OR1J2: variants seen among roughly 807,000 people sequenced by gnomAD.
The protein encoded by OR1J2 is olfactory receptor family 1 subfamily J member 2, also known as olfactory receptor 1J2.
For missense variants in OR1J2, 304 were observed against 246.1 expected, an observed-to-expected ratio of 1.24 and a Z score of -1.57; for synonymous variants, 142 against 99.7, an observed-to-expected ratio of 1.42 and a Z score of -2.52.
At chr9:122,517,869 C>T in the OR1J2 span, among the ~76,000 whole-genome samples, 1 of 152,250 alleles carries the variant, frequency 6.6e-6, no homozygotes, top group South Asian at 2.1e-4. Flanking sequence ...GATGCTCTCA[C>T]CCCCTCAAGC....
At chr9:122,575,396 T>A in the OR1J2 span, among the ~76,000 whole-genome samples, 2 of 152,160 alleles carry the variant, frequency 1.3e-5, no homozygotes, top group African/African-American at 4.8e-5. Flanking sequence ...TTTCATCATT[T>A]CTTTTTGTGT....
chr9:122,534,359 G>T, the OR1J2 span, among the ~76,000 whole-genome samples: 1 of 152,148 alleles, frequency 6.6e-6, no homozygotes, highest in African/African-American at 2.4e-5. Flanking sequence ...ACTTTTTAGG[G>T]TCTAGGACTG....
the OR1J2 span, among the ~76,000 whole-genome samples, chr9:122,467,324 T>C: frequency 6.6e-6 from 1 of 152,202 alleles, no homozygotes; most frequent in South Asian, 2.1e-4. Flanking sequence ...CACCTTTTGC[T>C]TGTTAATTCT....
chr9:122,488,689 T>C, the OR1J2 span, among the ~76,000 whole-genome samples: 2 of 152,182 alleles, frequency 1.3e-5, no homozygotes, highest in African/African-American at 4.8e-5. Flanking sequence ...TACATTCAGG[T>C]TGGCAAAAAT....
the OR1J2 span, among the ~76,000 whole-genome samples, chr9:122,558,255 T>G: frequency 6.6e-6 from 1 of 150,936 alleles, no homozygotes; most frequent in South Asian, 2.1e-4. Context: ...TTTCTTGTGC[T>G]TACTTTGGAT....
the OR1J2 span, among the ~76,000 whole-genome samples, chr9:122,577,827 T>C: frequency 6.6e-6 from 1 of 152,254 alleles, no homozygotes; most frequent in Non-Finnish European, 1.5e-5. Flanking sequence ...CATTAAGCCA[T>C]GTACATTCTT....
the OR1J2 span, chr9:122,526,629 G>C: frequency 1.2e-6 from 2 of 1,614,190 alleles, no homozygotes; most frequent in Non-Finnish European, 1.7e-6. Flanking sequence ...CCTCAGGATA[G>C]CTGGCACAAT....
the OR1J2 span, among the ~76,000 whole-genome samples, chr9:122,520,255 T>G: frequency 6.6e-6 from 1 of 152,262 alleles, no homozygotes; most frequent in Admixed American, 6.5e-5. Flanking sequence ...ATTCTGAGTT[T>G]ACATAATTGT....
At chr9:122,558,360 C>G in the OR1J2 span, among the ~76,000 whole-genome samples, 1 of 82,810 alleles carries the variant, frequency 1.2e-5, no homozygotes. Context: ...TTAAATTCAA[C>G]TGGTGTTTTA....
At chr9:122,487,156 A>G in the OR1J2 span, among the ~76,000 whole-genome samples, 49 of 152,300 alleles carry the variant, frequency 3.2e-4, no homozygotes, top group African/African-American at 1.0e-3. Context: ...AAATAAATTC[A>G]TTAAAAGCTT....
chr9:122,486,464 A>C, the OR1J2 span, among the ~76,000 whole-genome samples: 1 of 152,228 alleles, frequency 6.6e-6, no homozygotes, highest in East Asian at 1.9e-4. Context: ...GCCTGAGAGC[A>C]CTCAAGAATT....
At chr9:122,573,148 C>G in the OR1J2 span, among the ~76,000 whole-genome samples, 1 of 152,176 alleles carries the variant, frequency 6.6e-6, no homozygotes. Flanking sequence ...CTCTGTGATC[C>G]TTGTTAGGCT....
At chr9:122,473,997 T>C in the OR1J2 span, among the ~76,000 whole-genome samples, 1 of 152,132 alleles carries the variant, frequency 6.6e-6, no homozygotes, top group South Asian at 2.1e-4. Flanking sequence ...TGTACCCAGG[T>C]TAACTCCTCC....
At chr9:122,569,391 A>G in the OR1J2 span, among the ~76,000 whole-genome samples, 1 of 152,220 alleles carries the variant, frequency 6.6e-6, no homozygotes, top group African/African-American at 2.4e-5. Context: ...ATCCCGATCC[A>G]GTTACCTACC....
At chr9:122,553,975 A>C in the OR1J2 span, 4 of 1,613,286 alleles carry the variant, frequency 2.5e-6, no homozygotes, top group Non-Finnish European at 3.4e-6. Context: ...CTGCTCTTCT[A>C]TGGGTCTCTT....
At chr9:122,558,381 T>C in the OR1J2 span, among the ~76,000 whole-genome samples, 1 of 143,030 alleles carries the variant, frequency 7.0e-6, no homozygotes, top group Non-Finnish European at 1.5e-5. Flanking sequence ...TCTCTCACCT[T>C]TTGGATAGTT....
upstream of OR1J2, among the ~76,000 whole-genome samples, chr9:122,508,444 C>CTTTTCCATCT (rs1387652462): frequency 6.6e-6 from 1 of 152,000 alleles, no homozygotes; most frequent in Non-Finnish European, 1.5e-5. Flanking sequence ...GGATAAGAGC[C>CTTTTCCATCT]CTCTCTAACT....
the OR1J2 span, among the ~76,000 whole-genome samples, chr9:122,558,311 C>CTTTTTT: frequency 1.7e-4 from 6 of 34,470 alleles, 2 homozygotes; most frequent in Non-Finnish European, 2.4e-4. Flanking sequence ...TTGGATTTTG[C>CTTTTTT]TTTTTTTTTT....
chr9:122,544,856 T>C, the OR1J2 span, among the ~76,000 whole-genome samples: 1 of 152,206 alleles, frequency 6.6e-6, no homozygotes, highest in African/African-American at 2.4e-5. Context: ...TTTATTTCAT[T>C]GTTTTTATTT....
Sources: gnomAD v4.1 joint callset for allele counts (sites outside exome capture counted in the v4.1 genomes callset) on GRCh38, gnomAD v4.1.1 for gene constraint, MANE v1.5 for transcripts, NCBI Gene and HGNC (gene_info 2026-07-23, HGNC 2026-07-21) for gene names.